Variants in KDM4C observed in about 807,000 individuals in gnomAD.
The protein encoded by KDM4C is lysine demethylase 4C, also known as lysine-specific demethylase 4C.
KDM4C carries 81 observed loss-of-function variants against 129.3 expected under a neutral mutation model. That is an observed-to-expected ratio of 0.63 (90% CI 0.52 to 0.75). The LOEUF (loss-of-function observed/expected upper bound fraction) is 0.75. KDM4C is among the 30% of genes least tolerant of loss of function. The pLI, the probability that KDM4C is intolerant of heterozygous loss-of-function variation, is 0.00. For missense variants in KDM4C, 1,457 were observed against 1,304.0 expected (o/e 1.12, Z -1.81); for synonymous variants, 573 against 456.1 (o/e 1.26, Z -3.26).
At chr9:7,082,341 GGA>G (rs1834623324) in intron 17 of KDM4C, among the ~76,000 whole-genome samples, 1 of 152,106 alleles carries the variant, frequency 6.6e-6, no homozygotes, top group Admixed American at 6.6e-5. Context: ...TTAGCAAGTG[GGA>G]TTCAGCGGGA....
At chr9:6,790,509 C>G (rs1000140178) in intron 1 of KDM4C, among the ~76,000 whole-genome samples, 4 of 151,440 alleles carry the variant, frequency 2.6e-5, no homozygotes, top group African/African-American at 9.7e-5. Flanking sequence ...CCGCCTCGGC[C>G]TCCCAGAGTG....
chr9:6,869,661 C>CT (rs1369068436), intron 5 of KDM4C, among the ~76,000 whole-genome samples: 3 of 152,182 alleles, frequency 2.0e-5, no homozygotes, highest in South Asian at 2.1e-4. Context: ...ATGGCCAAGC[C>CT]TTTATACTCA....
At chr9:6,750,753 C>T (rs1438446907) in intron 1 of KDM4C, among the ~76,000 whole-genome samples, 2 of 152,218 alleles carry the variant, frequency 1.3e-5, no homozygotes, top group Non-Finnish European at 2.9e-5. Flanking sequence ...GCAGTTCTAG[C>T]TGCTATTACT....
At chr9:6,838,703 A>T (rs540046889) in intron 4 of KDM4C, among the ~76,000 whole-genome samples, 2 of 150,124 alleles carry the variant, frequency 1.3e-5, no homozygotes, top group South Asian at 4.2e-4. Flanking sequence ...TATTTGGTGT[A>T]TAAAAATGCA....
intron 8 of KDM4C, among the ~76,000 whole-genome samples, chr9:6,964,965 A>G (rs891267771): frequency 1.4e-4 from 22 of 151,972 alleles, no homozygotes; most frequent in African/African-American, 4.6e-4. Context: ...AAAAAAAAAA[A>G]GCAAAGTGAA....
At chr9:7,026,845 T>G (rs1825896792) in intron 15 of KDM4C, among the ~76,000 whole-genome samples, 1 of 151,972 alleles carries the variant, frequency 6.6e-6, no homozygotes, top group Non-Finnish European at 1.5e-5. Flanking sequence ...CACTAGTTCC[T>G]TCTTCTGCTT....
At chr9:6,764,465 G>A (rs1344899268) in intron 1 of KDM4C, among the ~76,000 whole-genome samples, 1 of 152,178 alleles carries the variant, frequency 6.6e-6, no homozygotes, top group Non-Finnish European at 1.5e-5. Flanking sequence ...ATTTTGCATA[G>A]TAGTGGATAC....
chr9:7,035,283 G>A (rs1279354160), intron 15 of KDM4C, among the ~76,000 whole-genome samples: 2 of 131,580 alleles, frequency 1.5e-5, no homozygotes, highest in African/African-American at 2.6e-5. Flanking sequence ...CAAAGTGCTA[G>A]GATTATAGGC....
intron 17 of KDM4C, among the ~76,000 whole-genome samples, chr9:7,051,826 G>A (rs7019027): frequency 0.16 from 23,814 of 152,150 alleles, 2,522 homozygotes; most frequent in South Asian, 0.4. Context: ...GTCTTGCCAT[G>A]TAGTATACAT....
At chr9:6,731,423 T>C (rs1817331713) in intron 1 of KDM4C, among the ~76,000 whole-genome samples, 1 of 148,002 alleles carries the variant, frequency 6.8e-6, no homozygotes, top group Non-Finnish European at 1.5e-5. Context: ...ACCTCCCAGG[T>C]TCAAGCAATT....
intron 4 of KDM4C, among the ~76,000 whole-genome samples, chr9:6,835,972 A>G (rs543272783): frequency 3.9e-4 from 59 of 152,138 alleles, no homozygotes; most frequent in African/African-American, 1.3e-3. Flanking sequence ...GGTAATGCAA[A>G]TTTTTTTAAA....
intron 8 of KDM4C, among the ~76,000 whole-genome samples, chr9:6,917,219 ATGAG>A (rs1383757123): frequency 2.0e-5 from 3 of 152,094 alleles, no homozygotes; most frequent in Non-Finnish European, 4.4e-5. Flanking sequence ...TGGTCTTAAT[ATGAG>A]CACCATATAG....
intron 9 of KDM4C, chr9:6,981,920 AT>A (rs1308023298): frequency 4.6e-6 from 1 of 217,242 alleles, no homozygotes; most frequent in Non-Finnish European, 1.1e-5. Flanking sequence ...CATATCACTC[AT>A]AACCTCACTA....
chr9:7,040,309 C>T (rs941413376), intron 15 of KDM4C, among the ~76,000 whole-genome samples: 1 of 151,074 alleles, frequency 6.6e-6, no homozygotes, highest in African/African-American at 2.4e-5. Flanking sequence ...TTCCCTCCCT[C>T]CCTCTGTCTC....
At chr9:6,766,955 A>T (rs908742358) in intron 1 of KDM4C, among the ~76,000 whole-genome samples, 3 of 151,960 alleles carry the variant, frequency 2.0e-5, no homozygotes, top group Admixed American at 2.0e-4. Context: ...TGTTTGTTTA[A>T]ATTCCAGTCC....
chr9:7,087,083 G>C (rs990058703), intron 17 of KDM4C, among the ~76,000 whole-genome samples: 8 of 111,608 alleles, frequency 7.2e-5, no homozygotes, highest in East Asian at 2.6e-4. Flanking sequence ...TGCAACTTAC[G>C]TGGCTCTTTT....
Position 6,865,123 on chromosome 9 carries a change from T to C in KDM4C, c.630-14889T>C, listed in dbSNP as rs555557901. On this transcript the variant is annotated intron_variant, in intron 5 of 21. Transcript: ENST00000381309. ...TCCCGGGTTCAAGCAATTCTCCTGC[T>C]TCAGCCTCCCGAGTAGCTGGGACTG... Among the ~76,000 whole-genome samples the C allele has an allele frequency of 6.7e-4, 101 of 151,102 alleles. 1 individual carries two copies. In the South Asian group the frequency reaches 8.4e-3, roughly 13 times the overall value.
chr9:6,909,533 C>T (rs1280584867), intron 8 of KDM4C, among the ~76,000 whole-genome samples: 3 of 152,066 alleles, frequency 2.0e-5, no homozygotes, highest in Non-Finnish European at 4.4e-5. Context: ...TGGGTCTTTG[C>T]CACTGTCTGA....
chr9:6,947,772 T>C (rs1563864115), intron 8 of KDM4C, among the ~76,000 whole-genome samples: 1 of 152,276 alleles, frequency 6.6e-6, no homozygotes, highest in South Asian at 2.1e-4. Context: ...TTAATCAGTA[T>C]TGGGGCCCAT....
Sources: allele counts gnomAD v4.1 joint callset (sites outside exome capture counted in the v4.1 genomes callset), GRCh38; gene constraint gnomAD v4.1.1; transcripts MANE v1.5; gene names NCBI Gene and HGNC (gene_info 2026-07-23, HGNC 2026-07-21).